DRC3: variants seen among roughly 807,000 people sequenced by gnomAD.
DRC3 encodes the protein leucine rich repeat containing 48.
In DRC3, 45 loss-of-function variants were observed where a neutral mutation model predicts 57.6. That is an observed-to-expected ratio of 0.78 (90% CI 0.62 to 1.00). DRC3 has a LOEUF of 1.00. Among genes scored for constraint, DRC3 ranks in the 50% least tolerant of loss-of-function variants. DRC3 has a pLI of 0.00. For missense variants in DRC3, 655 were observed against 675.2 expected, an observed-to-expected ratio of 0.97 and a Z score of 0.33; for synonymous variants, 257 against 272.3, an observed-to-expected ratio of 0.94 and a Z score of 0.55.
intron 9 of DRC3, among the ~76,000 whole-genome samples, chr17:18,000,077 CGTGTGTGT>C (rs35063272): frequency 3.5e-4 from 46 of 132,136 alleles, no homozygotes; most frequent in Middle Eastern, 4.3e-3. Context: ...ACTTTGCTTT[CGTGTGTGT>C]GTGTGTGTGT....
At chr17:18,007,452 C>G in intron 12 of DRC3, 7 of 1,551,450 alleles carry the variant, frequency 4.5e-6, no homozygotes, top group Non-Finnish European at 6.1e-6. Context: ...CTAAGAGAAG[C>G]AGTTACAGGT....
chr17:17,989,266 C>T (rs577277688), intron 5 of DRC3, among the ~76,000 whole-genome samples: 24 of 152,152 alleles, frequency 1.6e-4, no homozygotes, highest in Non-Finnish European at 3.1e-4. Context: ...CGCAGGGTCC[C>T]TGGACGAGGT....
intron 2 of DRC3, among the ~76,000 whole-genome samples, chr17:17,976,822 G>A (rs762473450): frequency 2.0e-5 from 3 of 152,192 alleles, no homozygotes; most frequent in Non-Finnish European, 4.4e-5. Flanking sequence ...GGCAGCCTCT[G>A]TCTGTGTCGA....
At chr17:17,994,039 G>A (rs1266447538) in intron 6 of DRC3, 2 of 406,798 alleles carry the variant, frequency 4.9e-6, no homozygotes, top group Non-Finnish European at 9.1e-6. Flanking sequence ...ATGGCCCCGG[G>A]AACCCCAGCC....
intron 4 of DRC3, among the ~76,000 whole-genome samples, chr17:17,987,214 CAAAAAAAAAAAAA>C (rs1046062123): frequency 2.2e-5 from 1 of 45,190 alleles, no homozygotes; most frequent in Admixed American, 2.8e-4. Context: ...GACCCTGTCT[CAAAAAAAAAAAAA>C]AAAAAAAAAA....
Position 17,988,127 on chromosome 17 carries a change from C to T in DRC3, c.444+29C>T, listed in dbSNP as rs149119211. 3.6e-4 allele frequency: 577 copies of T among 1,605,910 alleles called. 2 individuals carry two copies. In the Middle Eastern group the frequency reaches 3.7e-3, roughly 10 times the overall value. ...AGTGGCCGCCCAGCCCGCCCTCACG[C>T]ACACCTGCAGAGCCTTGGAGCGCCG... On this transcript the variant is annotated intron_variant, in intron 5 of 13. Coordinates refer to ENST00000399187, the MANE Select transcript of DRC3 (RefSeq NM_031294.4).
chr17:18,000,402 T>C (rs2043679601), intron 9 of DRC3, among the ~76,000 whole-genome samples: 1 of 152,146 alleles, frequency 6.6e-6, no homozygotes, highest in South Asian at 2.1e-4. Context: ...CCTTGTTCTG[T>C]ACTTTGCTTT....
chr17:17,994,983 G>A lies in DRC3; in HGVS notation c.712-16G>A, dbSNP rs767406612. On this transcript the variant is annotated splice_polypyrimidine_tract_variant and intron_variant, in intron 7 of 13. Coordinates refer to ENST00000399187, the MANE Select transcript of DRC3 (RefSeq NM_031294.4). ...CTGACAGGAGCCGTCCTACCTACGT[G>A]TGTTTCTGCCTGCAGACTGCGTTTG... 3 of 1,605,202 alleles carry A rather than the reference G, an allele frequency of 1.9e-6. No homozygotes were observed. Among genetic ancestry groups the A allele is most frequent in the South Asian group, 1.1e-5 (1 of 90,880 alleles).
intron 11 of DRC3, chr17:18,006,753 A>G: frequency 4.6e-6 from 2 of 434,596 alleles, no homozygotes; most frequent in Non-Finnish European, 8.5e-6. Context: ...CCAAATGCAC[A>G]GGGTGAGAAG....
At chr17:18,001,385 C>T (rs909981716) in intron 9 of DRC3, among the ~76,000 whole-genome samples, 1 of 152,152 alleles carries the variant, frequency 6.6e-6, no homozygotes, top group East Asian at 1.9e-4. Flanking sequence ...TGCCTGTAAT[C>T]CCAGCTACTT....
intron 12 of DRC3, chr17:18,007,469 T>C: frequency 6.4e-7 from 1 of 1,551,308 alleles, no homozygotes; most frequent in South Asian, 1.2e-5. Context: ...AGGTAGAGGT[T>C]GAAGTCTGAG....
chr17:18,016,594 G>A lies in DRC3; in HGVS notation c.1495G>A (p.Val499Met), dbSNP rs367996323. The change falls in exon 14 of 14, where the codon GTG (valine) becomes ATG (methionine). Residue 499 changes from valine to methionine, a missense_variant. Transcript: ENST00000399187. ...KDEIMRNRKR[V>M]KEINQYIDHM... ...TGAGATCATGAGGAACCGCAAGCGC[G>A]TGAAGGAGATCAATCAGTACATCGA... is the stretch of plus-strand genomic sequence containing the variant. 1.9e-5 allele frequency: 31 copies of A among 1,613,776 alleles called. No individual in the cohort carries two copies. Among genetic ancestry groups the A allele is most frequent in the African/African-American group, 2.7e-5 (2 of 74,920 alleles).
intron 5 of DRC3, among the ~76,000 whole-genome samples, chr17:17,988,913 C>T (rs568705588): frequency 1.2e-3 from 177 of 152,288 alleles, no homozygotes; most frequent in Non-Finnish European, 2.1e-3. Flanking sequence ...CATCTAAACC[C>T]AACCAAGGGT....
intron 3 of DRC3, among the ~76,000 whole-genome samples, chr17:17,980,073 G>A (rs1458027106): frequency 6.6e-6 from 1 of 152,226 alleles, no homozygotes; most frequent in African/African-American, 2.4e-5. Context: ...AGCTCTAGGG[G>A]AAGGGCGGTG....
At chr17:18,007,490 G>A in intron 12 of DRC3, 1 of 1,550,780 alleles carries the variant, frequency 6.4e-7, no homozygotes, top group Non-Finnish European at 8.7e-7. Context: ...ATTTCCCCTG[G>A]AGGTCTTCTT....
At chr17:17,996,305 C>T (rs143995433) in intron 8 of DRC3, among the ~76,000 whole-genome samples, 6,134 of 152,270 alleles carry the variant, frequency 0.04, 330 homozygotes, top group East Asian at 0.27. Context: ...CGTGAGCCAC[C>T]GTGCCCAGCC....
Position 17,977,437 on chromosome 17 carries a change from G to A in DRC3, c.-17-145G>A, listed in dbSNP as rs768034943. 4.5e-5 allele frequency: 42 copies of A among 933,178 alleles called. No individual in the cohort carries two copies. The East Asian group carries it at 5.5e-4, about 12-fold the overall frequency. 57.8% of individuals were successfully genotyped at this position (933,178 alleles called of 1,614,324 possible). A position where few individuals can be genotyped will look rare whatever the true frequency, so the allele number is the denominator to read the frequency against. On this transcript the variant is annotated intron_variant, in intron 2 of 13. Transcript: ENST00000399187. ...GCCTTGGCGTAAGTATACAAACCCC[G>A]AGATGCAGCAGACCCAGGGCTGGGC...
At chr17:17,979,933 G>A (rs540702513) in intron 3 of DRC3, among the ~76,000 whole-genome samples, 7 of 151,130 alleles carry the variant, frequency 4.6e-5, no homozygotes, top group African/African-American at 1.2e-4. Context: ...GCAGCAATCC[G>A]GCTCTAGGGG....
Position 17,987,928 on chromosome 17 carries a change from C to G in DRC3, c.278-4C>G. 1 of 1,613,744 alleles carries G rather than the reference C, an allele frequency of 6.2e-7. No homozygotes were observed. Among genetic ancestry groups the G allele is most frequent in the South Asian group, 1.1e-5 (1 of 91,078 alleles). ...AGACCCTCACAGCCCTCTCTTCTTC[C>G]CAGATCTGTCTTTCAACAACATTGA... On this transcript the variant is annotated splice_polypyrimidine_tract_variant and splice_region_variant and intron_variant, in intron 4 of 13. Coordinates refer to ENST00000399187, the MANE Select transcript of DRC3 (RefSeq NM_031294.4).
Sources: allele counts gnomAD v4.1 joint callset (sites outside exome capture counted in the v4.1 genomes callset), GRCh38; gene constraint gnomAD v4.1.1; transcripts MANE v1.5; gene names NCBI Gene and HGNC (gene_info 2026-07-23, HGNC 2026-07-21).